TOMM5: variants seen among roughly 807,000 people sequenced by gnomAD.
TOMM5 encodes the protein mitochondrial import receptor subunit TOM5 homolog.
A neutral mutation model predicts 4.8 loss-of-function variants in TOMM5; 1 was observed. The ratio of observed to expected loss-of-function variants is 0.21; its 90% CI spans 0.07 to 0.99. TOMM5 has a LOEUF of 0.99. Ranked by LOEUF, TOMM5 falls within the 50% of genes least tolerant of loss-of-function variation. The pLI is 0.60. For synonymous variants in TOMM5, 26 were observed against 26.7 expected (o/e 0.97, Z 0.08); for missense variants, 60 against 66.6 (o/e 0.90, Z 0.35).
intron 1 of TOMM5, among the ~76,000 whole-genome samples, chr9:37,590,787 C>A (rs560204720): frequency 9.9e-5 from 15 of 152,050 alleles, no homozygotes; most frequent in African/African-American, 3.6e-4. Flanking sequence ...TAGGATGATA[C>A]GGGTGTTTCT....
chr9:37,592,493 C>T lies in TOMM5; in HGVS notation c.40G>A (p.Glu14Lys), dbSNP rs772378588. The change falls in exon 1 of 2, where the codon GAG (glutamate) becomes AAG (lysine). Residue 14 changes from glutamate (E) to lysine (K), a missense_variant. Glu to Lys is a moderately conservative substitution (Grantham distance 56, BLOSUM62 1). Transcript: ENST00000321301. ...TCGCGCATCTTCCGTTTCATCTCCT[C>T]CGGGTCCAGCTTCGGCGCGAGGCCC... ...IEGLAPKLDP[E>K]EMKRKMREDV... 1.3e-5 allele frequency: 21 copies of T among 1,613,896 alleles called. No homozygotes were observed. The highest frequency in any genetic ancestry group is 2.7e-5 in the African/African-American group (2 of 74,934).
chr9:37,589,792 A>C (rs979969597), intron 1 of TOMM5, among the ~76,000 whole-genome samples: 1 of 152,114 alleles, frequency 6.6e-6, no homozygotes, highest in African/African-American at 2.4e-5. Flanking sequence ...AAAGTGCTGG[A>C]ATTACAGGCA....
chr9:37,592,451 T>C lies in TOMM5; in HGVS notation c.82A>G (p.Ile28Val). The change falls in exon 1 of 2, where the codon ATA (isoleucine) becomes GTA (valine). Residue 28 changes from isoleucine (I) to valine (V), a missense_variant. Physicochemically the swap from Ile to Val is conservative, Grantham distance 29. Transcript: ENST00000321301. ...RKMREDVISS[I>V]RNFLIYVALL... ...GCCACGTAGATGAGAAAGTTCCGTA[T>C]GGAGGAGATCACATCCTCGCGCATC... The C allele has an allele frequency of 1.9e-6, 3 of 1,614,160 alleles. No homozygotes were observed. The South Asian group carries it at 3.3e-5, about 18-fold the overall frequency.
chr9:37,589,081 GTTGCCTTCCAAAGCAGCCCA>G, intron 1 of TOMM5, 149 bp from the exon 2 acceptor site: 2 of 653,236 alleles, frequency 3.1e-6, no homozygotes, highest in Non-Finnish European at 5.2e-6. Flanking sequence ...AAAGGGACTA[GTTGCCTTCCAAAGCAGCCCA>G]TTCCACTGTC....
Position 37,588,603 on chromosome 9 carries a change from T to C in TOMM5, c.*295A>G, listed in dbSNP as rs763978973. On this transcript the variant is annotated 3_prime_UTR_variant, in exon 2 of 2. Transcript: ENST00000321301. ...GCCATTTCAGACACAGCTCCCTTAA[T>C]ACTTGCTAGAAAACGGAGTTTGACA... The C allele has an allele frequency of 6.2e-5, 33 of 529,326 alleles. No homozygotes were observed. The highest frequency in any genetic ancestry group is 1.0e-4 in the Non-Finnish European group (30 of 288,090). The allele number at this position is 529,326 out of a possible 1,614,324, so 32.8% of individuals were successfully genotyped here.
At position 37,592,250 on chromosome 9, in the gene TOMM5, G is replaced by A. The variant is rs1288687208; in HGVS notation, c.121+162C>T. 8 of 1,544,996 alleles carry A rather than the reference G, an allele frequency of 5.2e-6. No homozygotes were observed. The Admixed American group carries it at 1.2e-4, about 23-fold the overall frequency. On this transcript the variant is annotated intron_variant, in intron 1 of 1. Coordinates refer to ENST00000321301, the MANE Select transcript of TOMM5 (RefSeq NM_001001790.3). The stretch of plus-strand genomic sequence containing the variant: ...TTCAGTGCCCGGACCCTGACCCGCA[G>A]ACCTCAAACCGCGCATATGCCCGTC...
Position 37,588,660 on chromosome 9 carries a change from C to G in TOMM5, c.*238G>C. The G allele has an allele frequency of 1.5e-6, 1 of 670,582 alleles. No homozygotes were observed. The highest frequency in any genetic ancestry group is 2.7e-6 in the Non-Finnish European group (1 of 366,402). 41.5% of individuals were successfully genotyped at this position (670,582 alleles called of 1,614,324 possible). A position where few individuals can be genotyped will look rare whatever the true frequency, so the allele number is the denominator to read the frequency against. On this transcript the variant is annotated 3_prime_UTR_variant, in exon 2 of 2. Transcript: ENST00000321301. ...ACAATTATACCAGTATTGTCAGAGG[C>G]CAAACGTCACAGGGATAAGGGTACA...
At chr9:37,591,541 A>T (rs1823101301) in intron 1 of TOMM5, among the ~76,000 whole-genome samples, 1 of 151,798 alleles carries the variant, frequency 6.6e-6, no homozygotes, top group African/African-American at 2.4e-5. Context: ...AAAATACAAA[A>T]ATTAGCCGGG....
rs1317402449 is a variant in TOMM5, at chr9:37,588,791, C to T, written c.*107G>A. On this transcript the variant is annotated 3_prime_UTR_variant, in exon 2 of 2. Coordinates refer to ENST00000321301, the MANE Select transcript of TOMM5 (RefSeq NM_001001790.3). ...GTTCTTAACAAGCAGAATTTTATGT[C>T]CATTCAAAGAGTCTCTTACACCTTT... The T allele has an allele frequency of 9.0e-7, 1 of 1,110,044 alleles. No individual in the cohort carries two copies. The highest frequency in any genetic ancestry group is 2.3e-5 in the East Asian group (1 of 42,566). The allele number at this position is 1,110,044 out of a possible 1,614,324, so 68.8% of individuals were successfully genotyped here.
At position 37,588,711 on chromosome 9, in the gene TOMM5, C is replaced by T; in HGVS notation, c.*187G>A. ...CCAGATCACGAGACATCGTTTCATA[C>T]TTCCCAAATAGTTTTATATTTTAGC... is the stretch of plus-strand genomic sequence containing the variant. On this transcript the variant is annotated 3_prime_UTR_variant, in exon 2 of 2. Transcript: ENST00000321301. The T allele has an allele frequency of 1.4e-6, 1 of 706,512 alleles. No individual in the cohort carries two copies. Among genetic ancestry groups the T allele is most frequent in the Non-Finnish European group, 2.6e-6 (1 of 388,316 alleles). 43.8% of individuals were successfully genotyped at this position (706,512 alleles called of 1,614,324 possible).
chr9:37,589,028 T>C, intron 1 of TOMM5, 96 bp from the exon 2 acceptor site: 1 of 1,087,260 alleles, frequency 9.2e-7, no homozygotes, highest in Non-Finnish European at 1.3e-6. Context: ...TTTTTGAAAA[T>C]AACTCCAAGT....
In TOMM5 at chr9:37,588,931, A is replaced by G. The variant is rs947847497; in HGVS notation, c.123T>C (p.Thr41=). 1 of 1,612,086 alleles carries G rather than the reference A, an allele frequency of 6.2e-7. No individual in the cohort carries two copies. Among genetic ancestry groups the G allele is most frequent in the Non-Finnish European group, 8.5e-7 (1 of 1,178,770 alleles). Residue 41 remains threonine (T), a splice_region_variant and synonymous_variant, in exon 2 of 2, where the codon ACT becomes ACC. Transcript: ENST00000321301. ...FLIYVALLRV[T]PFILKKLDSI ...TGTCCAATTTCTTTAAGATAAATGG[A>G]GCTGAAAGAAAAACAAATCTAAAAT...
intron 1 of TOMM5, 109 bp downstream of exon 1, chr9:37,592,303 C>G (rs1165312428): frequency 1.3e-6 from 2 of 1,573,226 alleles, no homozygotes; most frequent in Non-Finnish European, 1.7e-6. Context: ...TCCTTGCTCC[C>G]CGCTACCGTT....
At chr9:37,588,986 ACATT>A in intron 1 of TOMM5, 54 bp from the exon 2 acceptor site, 1 of 1,432,466 alleles carries the variant, frequency 7.0e-7, no homozygotes, top group Non-Finnish European at 9.8e-7. Context: ...CCCATAGGCT[ACATT>A]ATAGAATTAT....
intron 1 of TOMM5, among the ~76,000 whole-genome samples, chr9:37,589,498 C>T (rs1027653212): frequency 1.3e-5 from 2 of 152,060 alleles, no homozygotes; most frequent in Admixed American, 6.5e-5. Flanking sequence ...AACTAAGTGT[C>T]GACATATAGA....
intron 1 of TOMM5, among the ~76,000 whole-genome samples, chr9:37,590,504 G>C (rs940043443): frequency 9.2e-5 from 14 of 152,172 alleles, no homozygotes; most frequent in African/African-American, 2.9e-4. Context: ...GGGTAACAAT[G>C]AATTCGTATG....
rs769582118 is a variant in TOMM5 at position 37,592,538 on chromosome 9, C to G, written c.-6G>C. 1 of 1,611,890 alleles carries G rather than the reference C, an allele frequency of 6.2e-7. No individual in the cohort carries two copies. The highest frequency in any genetic ancestry group is 1.7e-5 in the Admixed American group (1 of 60,008). On this transcript the variant is annotated 5_prime_UTR_variant, in exon 1 of 2. Transcript: ENST00000321301. ...AGGCCCTCAATCCGGAACATCGCGGCTCTGACTTAGCAGCTTCCAGCCGCC... is the reference window on the plus strand; with the variant it reads ...AGGCCCTCAATCCGGAACATCGCGGGTCTGACTTAGCAGCTTCCAGCCGCC...
rs1823050361 is a variant in TOMM5 at position 37,588,489 on chromosome 9, TG to T, written c.*408del. On this transcript the variant is annotated 3_prime_UTR_variant, in exon 2 of 2. Transcript: ENST00000321301. The stretch of plus-strand genomic sequence containing the variant: ...CTTAAATGTCATTGTGGTTGTGTGC[TG>T]ATTTCCACAAAACATAATATAAGAG... 6.5e-5 allele frequency: 20 copies of T among 307,148 alleles called. No homozygotes were observed. Among genetic ancestry groups the T allele is most frequent in the South Asian group, 6.1e-4 (19 of 31,200 alleles). The allele number at this position is 307,148 out of a possible 1,614,324, so 19.0% of individuals were successfully genotyped here.
rs1823051786 is a variant in TOMM5, at chr9:37,588,589, C to A, written c.*309G>T. ...ACTGACAAGACAGTGCCATTTCAGA[C>A]ACAGCTCCCTTAATACTTGCTAGAA... On this transcript the variant is annotated 3_prime_UTR_variant, in exon 2 of 2. Coordinates refer to ENST00000321301, the MANE Select transcript of TOMM5 (RefSeq NM_001001790.3). The A allele has an allele frequency of 2.0e-6, 1 of 491,664 alleles. No individual in the cohort carries two copies. Among genetic ancestry groups the A allele is most frequent in the Non-Finnish European group, 3.7e-6 (1 of 267,594 alleles). The allele number at this position is 491,664 out of a possible 1,614,324, so 30.5% of individuals were successfully genotyped here.
Sources: gnomAD v4.1 joint callset for allele counts (sites outside exome capture counted in the v4.1 genomes callset) on GRCh38, gnomAD v4.1.1 for gene constraint, MANE v1.5 for transcripts, NCBI Gene and HGNC (gene_info 2026-07-23, HGNC 2026-07-21) for gene names.